F11: variants seen among roughly 807,000 people sequenced by gnomAD.
F11 encodes the protein coagulation factor XI.
In F11, 78 loss-of-function variants were observed where a neutral mutation model predicts 76.5. That is an observed-to-expected ratio of 1.02 (90% CI 0.85 to 1.23). The LOEUF (loss-of-function observed/expected upper bound fraction) is 1.23, where lower values mean the gene tolerates loss of function less well. F11 is among the 50% of genes most tolerant of loss of function. The probability of loss-of-function intolerance (pLI) is 0.00; values close to 1 mark genes in which losing one functional copy is unlikely to be tolerated. For missense variants in F11, 742 were observed against 771.4 expected (o/e 0.96, Z 0.45); for synonymous variants, 278 against 276.3 (o/e 1.01, Z -0.06).
chr4:186,286,335 G>A (rs1444793349), intron 12 of F11, 80 bp from the exon 13 acceptor site: 1 of 1,247,510 alleles, frequency 8.0e-7, no homozygotes, highest in Non-Finnish European at 1.2e-6. Flanking sequence ...CACAGATAAT[G>A]TACAGTGGAA....
chr4:186,276,161 A>C, intron 6 of F11, 70 bp from the exon 7 acceptor site: 1 of 1,574,612 alleles, frequency 6.4e-7, no homozygotes, highest in African/African-American at 1.3e-5. Context: ...TGGAATTTAC[A>C]CATACTGTGA....
At chr4:186,277,945 G>A (rs1740506465) in intron 7 of F11, among the ~76,000 whole-genome samples, 1 of 152,066 alleles carries the variant, frequency 6.6e-6, no homozygotes, top group African/African-American at 2.4e-5. Flanking sequence ...GACCACAGGT[G>A]TGCACCACCA....
chr4:186,275,493 T>C (rs2126736567), intron 5 of F11, among the ~76,000 whole-genome samples: 1 of 116,672 alleles, frequency 8.6e-6, no homozygotes, highest in African/African-American at 3.0e-5. Context: ...AGACTCCGTC[T>C]CAAATAAAAA....
chr4:186,282,072 C>A, intron 10 of F11: 2 of 1,226,932 alleles, frequency 1.6e-6, no homozygotes, highest in Non-Finnish European at 2.1e-6. Flanking sequence ...CGGCACCATT[C>A]TGTTGTCTTT....
intron 12 of F11, 80 bp downstream of exon 12, chr4:186,285,893 A>C (rs1580103299): frequency 6.9e-7 from 1 of 1,457,164 alleles, no homozygotes. Flanking sequence ...TTACGGCCTG[A>C]CCCTGCCAAT....
Position 186,288,868 on chromosome 4 carries a change from C to T in F11, c.*254C>T. 1 of 471,442 alleles carries T rather than the reference C, an allele frequency of 2.1e-6. No homozygotes were observed. Among genetic ancestry groups the T allele is most frequent in the Non-Finnish European group, 3.9e-6 (1 of 257,074 alleles). 29.2% of individuals were successfully genotyped at this position (471,442 alleles called of 1,614,324 possible). ...CGCTTCTATGGAGTCCAAGAATTACCATAAGGCAATATTTCTGAAGATTAC... is the reference window on the plus strand; with the variant it reads ...CGCTTCTATGGAGTCCAAGAATTACTATAAGGCAATATTTCTGAAGATTAC... On this transcript the variant is annotated 3_prime_UTR_variant, in exon 15 of 15. Coordinates refer to ENST00000403665, the MANE Select transcript of F11 (RefSeq NM_000128.4).
rs794727084 is a variant in F11 at position 186,286,494 on chromosome 4, G to T, written c.1560G>T (p.Gly520=). ...IYTDCWVTGW[G]YRKLRDKIQN... ...CTGATTGCTGGGTGACTGGATGGGGGTACAGAAAACTAAGAGGTAAAAATG... is the reference window on the plus strand; with the variant it reads ...CTGATTGCTGGGTGACTGGATGGGGTTACAGAAAACTAAGAGGTAAAAATG... Residue 520 remains glycine, a synonymous_variant, in exon 13 of 15, where the codon GGG becomes GGT. Coordinates refer to ENST00000403665, the MANE Select transcript of F11 (RefSeq NM_000128.4). The T allele has an allele frequency of 1.9e-6, 3 of 1,613,828 alleles. No individual in the cohort carries two copies. The Middle Eastern group carries it at 4.9e-4, about 266-fold the overall frequency.
At chr4:186,273,971 A>G (rs1421798549) in intron 4 of F11, 145 bp from the exon 5 acceptor site, 1 of 814,498 alleles carries the variant, frequency 1.2e-6, no homozygotes, top group Non-Finnish European at 2.1e-6. Flanking sequence ...CCATTCAAGA[A>G]TAAGAATTTT....
rs752018979 is a variant in F11 at position 186,285,699 on chromosome 4, G to C, written c.1366G>C (p.Glu456Gln). The change falls in exon 12 of 15, where the codon GAG (glutamate) becomes CAG (glutamine). Residue 456 changes from glutamate to glutamine, a missense_variant. Physicochemically the swap from Glu to Gln is conservative, Grantham distance 29 (BLOSUM62 2). Coordinates refer to ENST00000403665, the MANE Select transcript of F11 (RefSeq NM_000128.4). Reference protein sequence around the residue: ...SGILNQSEIKEDTSFFGVQEI... With the variant: ...SGILNQSEIKQDTSFFGVQEI... Reference sequence around the variant, plus strand: ...CATTTTAAATCAATCTGAAATAAAAGAGGACACATCTTTCTTTGGGGTTCA... The same window carrying C: ...CATTTTAAATCAATCTGAAATAAAACAGGACACATCTTTCTTTGGGGTTCA... The C allele has an allele frequency of 6.2e-7, 1 of 1,614,050 alleles. No individual in the cohort carries two copies. The highest frequency in any genetic ancestry group is 1.1e-5 in the South Asian group (1 of 91,076).
intron 7 of F11, among the ~76,000 whole-genome samples, chr4:186,277,314 T>TA (rs1308924106): frequency 1.3e-5 from 2 of 152,248 alleles, no homozygotes; most frequent in Non-Finnish European, 2.9e-5. Flanking sequence ...CATTTGCTGA[T>TA]AGACTCTTAG....
Position 186,276,219 on chromosome 4 carries a change from T to C in F11, c.596-12T>C. ...TGAATTGAGTCCCTGACATAGTTCTTCCGTCGCGCAGCTTGTATTAGGGAC... is the reference window on the plus strand; with the variant it reads ...TGAATTGAGTCCCTGACATAGTTCTCCCGTCGCGCAGCTTGTATTAGGGAC... On this transcript the variant is annotated splice_polypyrimidine_tract_variant and intron_variant, in intron 6 of 14. Transcript: ENST00000403665. 2 of 1,614,136 alleles carry C rather than the reference T, an allele frequency of 1.2e-6. No homozygotes were observed. Among genetic ancestry groups the C allele is most frequent in the Non-Finnish European group, 1.7e-6 (2 of 1,180,014 alleles).
rs759936044 is a variant in F11, at chr4:186,267,181, A to G, written c.45A>G (p.Ser15=). ...TGGTACATTTCATTTTATTTACTTC[A>G]GTTTCTGGTGGTAAGTAGAGTGTTA... ...YQVVHFILFT[S]VSGECVTQLL... is the part of the protein sequence containing the mutation. Residue 15 remains serine, a synonymous_variant, in exon 2 of 15, where the codon TCA becomes TCG. Coordinates refer to ENST00000403665, the MANE Select transcript of F11 (RefSeq NM_000128.4). 6.4e-7 allele frequency: 1 copy of G among 1,571,942 alleles called. No individual in the cohort carries two copies. The highest frequency in any genetic ancestry group is 8.8e-7 in the Non-Finnish European group (1 of 1,141,720).
chr4:186,275,377 C>G (rs1388319026), intron 5 of F11, among the ~76,000 whole-genome samples: 1 of 152,090 alleles, frequency 6.6e-6, no homozygotes, highest in African/African-American at 2.4e-5. Flanking sequence ...CGCTTGTAAT[C>G]CCAGCTACTT....
intron 7 of F11, among the ~76,000 whole-genome samples, chr4:186,278,599 G>T (rs1232933576): frequency 6.6e-6 from 1 of 152,194 alleles, no homozygotes; most frequent in Non-Finnish European, 1.5e-5. Context: ...AGGAGTCAGT[G>T]ATAGCACCAA....
chr4:186,279,146 A>T (rs1370707439), intron 7 of F11, among the ~76,000 whole-genome samples: 1 of 152,192 alleles, frequency 6.6e-6, no homozygotes, highest in Non-Finnish European at 1.5e-5. Flanking sequence ...GCACTTTGGG[A>T]GGCCGAGGCG....
At chr4:186,268,899 T>C (rs1040545608) in intron 2 of F11, among the ~76,000 whole-genome samples, 1 of 152,084 alleles carries the variant, frequency 6.6e-6, no homozygotes, top group Non-Finnish European at 1.5e-5. Context: ...GCAACTTAAG[T>C]GCTAAGAAAT....
Position 186,288,616 on chromosome 4 carries a change from T to A in F11, c.*2T>A. On this transcript the variant is annotated 3_prime_UTR_variant, in exon 15 of 15. Coordinates refer to ENST00000403665, the MANE Select transcript of F11 (RefSeq NM_000128.4). The stretch of plus-strand genomic sequence containing the variant: ...CTGGAGAAAACTCAAGCAGTGTGAA[T>A]GGGTTCCCAGGGGCCATTGGAGTCC... The A allele has an allele frequency of 1.9e-6, 3 of 1,613,610 alleles. No individual in the cohort carries two copies. Among genetic ancestry groups the A allele is most frequent in the Non-Finnish European group, 2.5e-6 (3 of 1,179,740 alleles).
chr4:186,279,120 C>T (rs772179464), intron 7 of F11, among the ~76,000 whole-genome samples: 1 of 152,210 alleles, frequency 6.6e-6, no homozygotes, highest in Non-Finnish European at 1.5e-5. Flanking sequence ...TGCAGTGGCT[C>T]ACGCCTGTAA....
intron 5 of F11, among the ~76,000 whole-genome samples, chr4:186,275,505 AAAC>A (rs1423478657): frequency 6.6e-6 from 1 of 151,918 alleles, no homozygotes; most frequent in Non-Finnish European, 1.5e-5. Context: ...AAATAAAAAA[AAAC>A]AAAAAATGAG....
Sources: gnomAD v4.1 joint callset for allele counts (sites outside exome capture counted in the v4.1 genomes callset) on GRCh38, gnomAD v4.1.1 for gene constraint, MANE v1.5 for transcripts, NCBI Gene and HGNC (gene_info 2026-07-23, HGNC 2026-07-21) for gene names.